Variants in CPNE1 observed in about 807,000 individuals in gnomAD.
CPNE1 encodes the protein copine 1.
Under a neutral mutation model 63.2 loss-of-function variants are expected in CPNE1, and 58 were observed. That is an observed-to-expected ratio of 0.92 (90% CI 0.74 to 1.14). CPNE1 has a LOEUF of 1.14. Ranked by LOEUF, CPNE1 falls within the 50% of genes most tolerant of loss-of-function variation. The probability of loss-of-function intolerance (pLI) is 0.00; values close to 1 mark genes in which losing one functional copy is unlikely to be tolerated. For missense variants in CPNE1, 672 were observed against 661.7 expected, an observed-to-expected ratio of 1.02 and a Z score of -0.17; for synonymous variants, 237 against 249.0, an observed-to-expected ratio of 0.95 and a Z score of 0.45.
chr20:35,627,187 C>CAAAATAAAAAA (rs2031807241), intron 14 of CPNE1, 93 bp downstream of exon 14: 1 of 485,186 alleles, frequency 2.1e-6, no homozygotes, highest in Non-Finnish European at 2.8e-6. Context: ...GAGTCCATCT[C>CAAAATAAAAAA]AAAAAAAAAA....
chr20:35,651,254 G>A (rs781317607), intron 1 of CPNE1: 11 of 152,156 alleles, frequency 7.2e-5, no homozygotes, highest in Non-Finnish European at 1.5e-4. Context: ...TTCATGACAA[G>A]GACACTTACC....
intron 6 of CPNE1, 23 bp from the exon 7 acceptor site, chr20:35,631,800 C>G: frequency 6.2e-7 from 1 of 1,601,540 alleles, no homozygotes; most frequent in African/African-American, 1.3e-5. Flanking sequence ...GCCAAGGCCT[C>G]CAGTGAGCTC....
chr20:35,630,509 A>G lies in CPNE1; in HGVS notation c.1051-19T>C. On this transcript the variant is annotated intron_variant, in intron 12 of 15. Coordinates refer to ENST00000397443, the MANE Select transcript of CPNE1 (RefSeq NM_152925.3). ...GCGAGACCTGGAGACAAGAATGAAAATGAGGTTCTTTCCCCATGACCTCTG... is the reference window on the plus strand; with the variant it reads ...GCGAGACCTGGAGACAAGAATGAAAGTGAGGTTCTTTCCCCATGACCTCTG... The G allele has an allele frequency of 6.2e-7, 1 of 1,613,714 alleles. No individual in the cohort carries two copies. The highest frequency in any genetic ancestry group is 1.1e-5 in the South Asian group (1 of 91,064).
At chr20:35,659,138 CAAAAA>C (rs370328377) in intron 1 of CPNE1, 125 of 271,952 alleles carry the variant, frequency 4.6e-4, no homozygotes, top group South Asian at 6.7e-4. Flanking sequence ...GAATGCATAT[CAAAAA>C]AAAAAAAAAA....
At chr20:35,633,045 CG>C (rs2032273592) in intron 1 of CPNE1, 122 bp from the exon 2 acceptor site, 2 of 719,042 alleles carry the variant, frequency 2.8e-6, no homozygotes, top group African/African-American at 3.5e-5. Context: ...CGTCCACCCC[CG>C]TGACACCCAA....
In CPNE1 at chr20:35,654,625, G is replaced by A. The variant is rs1468679617; in HGVS notation, c.-1+10135C>T. Reference sequence around the variant, plus strand: ...CATGGGTGGCAGTGGGGTCATGGGTGGCACAGAAGGAACTGGGGGAATCGG... The same window carrying A: ...CATGGGTGGCAGTGGGGTCATGGGTAGCACAGAAGGAACTGGGGGAATCGG... On this transcript the variant is annotated intron_variant, in intron 1 of 15. Transcript: ENST00000397443. 3 of 1,614,088 alleles carry A rather than the reference G, an allele frequency of 1.9e-6. No homozygotes were observed. Among genetic ancestry groups the A allele is most frequent in the African/African-American group, 2.7e-5 (2 of 74,932 alleles).
chr20:35,631,458 C>T (rs1414733064), intron 8 of CPNE1, 34 bp downstream of exon 8: 2 of 1,608,584 alleles, frequency 1.2e-6, no homozygotes, highest in African/African-American at 2.7e-5. Flanking sequence ...CTATCTAGGC[C>T]CATTTCCACA....
At chr20:35,630,680 A>T in intron 12 of CPNE1, 61 bp downstream of exon 12, 1 of 1,585,640 alleles carries the variant, frequency 6.3e-7, no homozygotes, top group Non-Finnish European at 8.7e-7. Context: ...AATTTACCAC[A>T]TCCCCCAAAA....
At chr20:35,630,614 C>A (rs764676819) in intron 12 of CPNE1, 124 bp from the exon 13 acceptor site, 1 of 1,434,144 alleles carries the variant, frequency 7.0e-7, no homozygotes, top group East Asian at 2.3e-5. Context: ...TGTCTACGTG[C>A]CTGCAGGAAT....
At position 35,626,093 on chromosome 20, in the gene CPNE1, G is replaced by C. The variant is rs779348220; in HGVS notation, c.*148C>G. The C allele has an allele frequency of 1.2e-6, 1 of 833,734 alleles. No individual in the cohort carries two copies. The highest frequency in any genetic ancestry group is 2.0e-6 in the Non-Finnish European group (1 of 496,014). 51.6% of individuals were successfully genotyped at this position (833,734 alleles called of 1,614,324 possible). ...ATGAGGGTTGTCAGGAGCAAAGGTG[G>C]GATCAAGAGCAGCAAAAGCAGAAAC... On this transcript the variant is annotated 3_prime_UTR_variant, in exon 16 of 16. Transcript: ENST00000397443.
In CPNE1 at chr20:35,631,992, A is replaced by G; in HGVS notation, c.490T>C (p.Phe164Leu). ...CATTTCCCATCACCCTGGCGGAAGA[A>G]CTCCAGAAATGGATCTGATTTTCCC... ...FLGKSDPFLE[F>L]FRQGDGKWHL... Residue 164 changes from phenylalanine to leucine, a missense_variant, in exon 6 of 16, where the codon TTC becomes CTC. Coordinates refer to ENST00000397443, the MANE Select transcript of CPNE1 (RefSeq NM_152925.3). 1 of 1,614,064 alleles carries G rather than the reference A, an allele frequency of 6.2e-7. No homozygotes were observed. Among genetic ancestry groups the G allele is most frequent in the Non-Finnish European group, 8.5e-7 (1 of 1,179,992 alleles).
At chr20:35,662,919 T>G (rs1200313824) in intron 1 of CPNE1, among the ~76,000 whole-genome samples, 1 of 152,248 alleles carries the variant, frequency 6.6e-6, no homozygotes, top group Non-Finnish European at 1.5e-5. Context: ...CTAACAGATT[T>G]GAACATAAAG....
chr20:35,629,328 AT>A (rs2031969708), intron 13 of CPNE1, among the ~76,000 whole-genome samples: 1 of 152,142 alleles, frequency 6.6e-6, no homozygotes, highest in Admixed American at 6.5e-5. Context: ...GTCAGGTCAG[AT>A]TTTCCACTTC....
chr20:35,640,607 C>CGGA (rs1336711589), intron 1 of CPNE1, among the ~76,000 whole-genome samples: 1 of 152,156 alleles, frequency 6.6e-6, no homozygotes, highest in Non-Finnish European at 1.5e-5. Context: ...TTCCCTGACT[C>CGGA]TAATCCAACA....
chr20:35,653,136 TCCA>T (rs775279112), intron 1 of CPNE1: 1 of 1,613,644 alleles, frequency 6.2e-7, no homozygotes, highest in East Asian at 2.2e-5. Flanking sequence ...AGGCATTTGA[TCCA>T]CCAAAATTAC....
rs1158030359 is a variant in CPNE1, at chr20:35,632,316, T to G, written c.379A>C (p.Ile127Leu). ...ACCCTTGCTGGGTTCCTTACCGTGA[T>G]GGTCCCCCGCCCAGCAGGTTTTCCA... ...KPGKPAGRGT[I>L]TVSAQELKDN... The change falls in exon 4 of 16, where the codon ATC becomes CTC. Residue 127 changes from isoleucine to leucine, a missense_variant. Physicochemically the swap from Ile to Leu is conservative, Grantham distance 5. Coordinates refer to ENST00000397443, the MANE Select transcript of CPNE1 (RefSeq NM_152925.3). 2 of 1,614,134 alleles carry G rather than the reference T, an allele frequency of 1.2e-6. No individual in the cohort carries two copies. Among genetic ancestry groups the G allele is most frequent in the Non-Finnish European group, 1.7e-6 (2 of 1,179,968 alleles).
At chr20:35,635,545 C>G (rs956991292) in intron 1 of CPNE1, among the ~76,000 whole-genome samples, 2 of 152,102 alleles carry the variant, frequency 1.3e-5, no homozygotes, top group Non-Finnish European at 2.9e-5. Flanking sequence ...TGGTTCACCA[C>G]GACAACACCT....
chr20:35,626,824 G>A (rs775964066), intron 14 of CPNE1, 21 bp from the exon 15 acceptor site: 3 of 1,591,032 alleles, frequency 1.9e-6, no homozygotes, highest in Admixed American at 1.7e-5. Flanking sequence ...GCCCATTCAT[G>A]TCCTGAAGCA....
At chr20:35,629,971 G>A (rs549956724) in intron 13 of CPNE1, among the ~76,000 whole-genome samples, 24 of 152,230 alleles carry the variant, frequency 1.6e-4, no homozygotes, top group East Asian at 9.7e-4. Flanking sequence ...CTGGCATGAC[G>A]ATTTGATTCC....
Sources: gnomAD v4.1 joint callset for allele counts (sites outside exome capture counted in the v4.1 genomes callset) on GRCh38, gnomAD v4.1.1 for gene constraint, MANE v1.5 for transcripts, NCBI Gene and HGNC (gene_info 2026-07-23, HGNC 2026-07-21) for gene names.